SLC25A21: variants seen among roughly 807,000 people sequenced by gnomAD.
SLC25A21 encodes the protein mitochondrial 2-oxodicarboxylate carrier.
A neutral mutation model predicts 43.8 loss-of-function variants in SLC25A21; 47 were observed. The observed-to-expected ratio is 1.07, with a 90% confidence interval of 0.85 to 1.37. The LOEUF (loss-of-function observed/expected upper bound fraction) is 1.37, where lower values mean the gene tolerates loss of function less well. SLC25A21 is among the 40% of genes most tolerant of loss of function. The pLI, the probability that SLC25A21 is intolerant of heterozygous loss-of-function variation, is 0.00. For missense variants in SLC25A21, 352 were observed against 350.2 expected (o/e 1.00, Z -0.04); for synonymous variants, 131 against 121.3 (o/e 1.08, Z -0.52).
intron 2 of SLC25A21, among the ~76,000 whole-genome samples, chr14:36,841,853 C>T (rs2138500102): frequency 6.6e-6 from 1 of 152,320 alleles, no homozygotes; most frequent in African/African-American, 2.4e-5. Context: ...AAGGCACTCA[C>T]CTGCAGACTA....
intron 3 of SLC25A21, among the ~76,000 whole-genome samples, chr14:36,786,039 T>C (rs1887238826): frequency 6.6e-6 from 1 of 152,220 alleles, no homozygotes; most frequent in African/African-American, 2.4e-5. Flanking sequence ...CCTAGTCAGA[T>C]CCTGCCCATG....
intron 1 of SLC25A21, among the ~76,000 whole-genome samples, chr14:37,008,860 G>A (rs1296758098): frequency 1.3e-5 from 2 of 152,160 alleles, no homozygotes; most frequent in Admixed American, 1.3e-4. Flanking sequence ...GACTACGAAT[G>A]TATTTTACTG....
At chr14:36,853,557 C>T (rs1007721356) in intron 2 of SLC25A21, among the ~76,000 whole-genome samples, 5 of 152,194 alleles carry the variant, frequency 3.3e-5, no homozygotes, top group African/African-American at 4.8e-5. Flanking sequence ...ATCAGCTCCC[C>T]GTTCCTGTGA....
chr14:36,772,764 C>A (rs538316558), intron 3 of SLC25A21, among the ~76,000 whole-genome samples: 1 of 152,260 alleles, frequency 6.6e-6, no homozygotes, highest in South Asian at 2.1e-4. Flanking sequence ...TCTGTGAATA[C>A]CAAGGCTCCC....
At chr14:36,695,172 T>C (rs910003292) in intron 7 of SLC25A21, among the ~76,000 whole-genome samples, 1 of 152,240 alleles carries the variant, frequency 6.6e-6, no homozygotes, top group East Asian at 1.9e-4. Context: ...TAGGGAATCC[T>C]TTCCCCATTT....
intron 3 of SLC25A21, among the ~76,000 whole-genome samples, chr14:36,738,788 T>C (rs1257661569): frequency 1.3e-5 from 2 of 152,248 alleles, no homozygotes; most frequent in African/African-American, 4.8e-5. Context: ...TAAAAAAGTA[T>C]TAGCTCGTAT....
chr14:36,809,753 T>C (rs1005818516), intron 3 of SLC25A21, among the ~76,000 whole-genome samples: 3 of 152,192 alleles, frequency 2.0e-5, no homozygotes, highest in Admixed American at 2.0e-4. Flanking sequence ...TCAAAACCTT[T>C]AACTTAGAGG....
chr14:37,136,860 G>A (rs1963489263), intron 1 of SLC25A21, among the ~76,000 whole-genome samples: 1 of 152,170 alleles, frequency 6.6e-6, no homozygotes, highest in Non-Finnish European at 1.5e-5. Flanking sequence ...AGAAAAAATT[G>A]TGCAGAGAGT....
At chr14:36,945,631 A>G (rs899727512) in intron 1 of SLC25A21, among the ~76,000 whole-genome samples, 4 of 152,250 alleles carry the variant, frequency 2.6e-5, no homozygotes, top group African/African-American at 7.2e-5. Context: ...ATACTGTGCA[A>G]TTCCACTTAT....
rs1210184746 is a variant in SLC25A21 at position 37,014,590 on chromosome 14, C to A, written c.71-139586G>T. 9.3e-3 allele frequency among the ~76,000 whole-genome samples: 1,417 copies of A among 152,190 alleles called. 27 individuals carry two copies. The highest frequency in any genetic ancestry group is 0.031 in the African/African-American group (1,285 of 41,510). On this transcript the variant is annotated intron_variant, in intron 1 of 9. Transcript: ENST00000331299. ...ATTGGAATTAATTTTTTCCAAACTC[C>A]TGTCAATGTTGATATTTTGACCTCC...
chr14:36,892,537 C>T (rs1000059893), intron 1 of SLC25A21, among the ~76,000 whole-genome samples: 15 of 151,930 alleles, frequency 9.9e-5, no homozygotes, highest in African/African-American at 3.6e-4. Flanking sequence ...AAGACCAATA[C>T]CACATAATCT....
chr14:36,944,307 C>A (rs1310465061), intron 1 of SLC25A21, among the ~76,000 whole-genome samples: 1 of 152,100 alleles, frequency 6.6e-6, no homozygotes, highest in Non-Finnish European at 1.5e-5. Context: ...AAGTGATTGT[C>A]CCAGTGGGCT....
At chr14:36,838,639 G>C (rs1163291219) in intron 2 of SLC25A21, among the ~76,000 whole-genome samples, 2 of 152,202 alleles carry the variant, frequency 1.3e-5, no homozygotes, top group Non-Finnish European at 2.9e-5. Context: ...AGTGAATTTT[G>C]TGGAGGCAGG....
chr14:36,851,720 T>C (rs1376544958), intron 2 of SLC25A21, among the ~76,000 whole-genome samples: 1 of 152,206 alleles, frequency 6.6e-6, no homozygotes, highest in East Asian at 1.9e-4. Flanking sequence ...CTCCTGTTTT[T>C]TTGTTTGTCT....
chr14:37,165,498 G>A (rs1964015842), intron 1 of SLC25A21, among the ~76,000 whole-genome samples: 1 of 152,094 alleles, frequency 6.6e-6, no homozygotes, highest in South Asian at 2.1e-4. Flanking sequence ...ATATATAGAA[G>A]GTGATAATGC....
At chr14:37,059,788 C>T (rs1961905668) in intron 1 of SLC25A21, among the ~76,000 whole-genome samples, 1 of 152,028 alleles carries the variant, frequency 6.6e-6, no homozygotes, top group Non-Finnish European at 1.5e-5. Context: ...CTGGAATGGC[C>T]AGATGAGGGC....
intron 1 of SLC25A21, among the ~76,000 whole-genome samples, chr14:37,165,841 G>T (rs888411770): frequency 6.6e-6 from 1 of 152,134 alleles, no homozygotes; most frequent in Non-Finnish European, 1.5e-5. Context: ...ACAGGGAAGG[G>T]TCCAAACTGA....
chr14:36,990,126 C>T (rs886163680), intron 1 of SLC25A21, among the ~76,000 whole-genome samples: 1 of 152,072 alleles, frequency 6.6e-6, no homozygotes, highest in Admixed American at 6.6e-5. Context: ...AGGGTACACA[C>T]GACACCTAAG....
At chr14:36,807,778 C>T (rs1339371746) in intron 3 of SLC25A21, among the ~76,000 whole-genome samples, 1 of 152,166 alleles carries the variant, frequency 6.6e-6, no homozygotes, top group African/African-American at 2.4e-5. Context: ...GGGCATCACA[C>T]TTCCTTTGTC....
Sources: gnomAD v4.1 joint callset for allele counts (sites outside exome capture counted in the v4.1 genomes callset) on GRCh38, gnomAD v4.1.1 for gene constraint, MANE v1.5 for transcripts, NCBI Gene and HGNC (gene_info 2026-07-23, HGNC 2026-07-21) for gene names.